The following ANTXR1 variants were observed in gnomAD, a reference collection of about 807,000 sequenced individuals.
ANTXR1 encodes ANTXR cell adhesion molecule 1.
In ANTXR1, 19 loss-of-function variants were observed where a neutral mutation model predicts 78.1. The observed-to-expected ratio is 0.24, with a 90% CI of 0.17 to 0.36. ANTXR1 has a LOEUF of 0.36. ANTXR1 is among the 10% of genes least tolerant of loss of function. ANTXR1 has a pLI of 1.00. For synonymous variants in ANTXR1, 273 were observed against 260.5 expected (o/e 1.05, Z -0.46); for missense variants, 518 against 718.6 (o/e 0.72, Z 3.19).
intron 5 of ANTXR1, among the ~76,000 whole-genome samples, chr2:69,072,233 A>T (rs1670588088): frequency 6.6e-6 from 1 of 152,242 alleles, no homozygotes; most frequent in African/African-American, 2.4e-5. Context: ...TTTAAATGAA[A>T]AAACTGCATA....
intron 12 of ANTXR1, among the ~76,000 whole-genome samples, chr2:69,139,412 A>G (rs1451248348): frequency 6.6e-6 from 1 of 152,224 alleles, no homozygotes; most frequent in African/African-American, 2.4e-5. Flanking sequence ...TGACTTTGTA[A>G]TTGGACTCTG....
rs547261002 is a variant in ANTXR1, at chr2:69,095,262, C to T, written c.703+4343C>T. Among the ~76,000 whole-genome samples the T allele has an allele frequency of 1.4e-4, 21 of 151,666 alleles. No homozygotes were observed. In the East Asian group the frequency reaches 3.9e-3, roughly 28 times the overall value. ...TGTTTTCCTTTCTTCCTCCTTTCATCGATTCTTAGTGTCTTTTATGCACCA... is the reference window on the plus strand; with the variant it reads ...TGTTTTCCTTTCTTCCTCCTTTCATTGATTCTTAGTGTCTTTTATGCACCA... On this transcript the variant is annotated intron_variant, in intron 9 of 17. Coordinates refer to ENST00000303714, the MANE Select transcript of ANTXR1 (RefSeq NM_032208.3).
chr2:69,058,252 A>G (rs1373658180), intron 3 of ANTXR1, among the ~76,000 whole-genome samples: 1 of 152,244 alleles, frequency 6.6e-6, no homozygotes, highest in African/African-American at 2.4e-5. Flanking sequence ...CTATTGGAAG[A>G]AGATGCCATC....
intron 12 of ANTXR1, chr2:69,134,955 AT>A: frequency 3.0e-6 from 1 of 330,760 alleles, no homozygotes; most frequent in South Asian, 2.4e-5. Flanking sequence ...ATGTCCCAGT[AT>A]TTTTATTATT....
intron 7 of ANTXR1, among the ~76,000 whole-genome samples, chr2:69,076,080 G>T (rs1670722541): frequency 6.6e-6 from 1 of 152,062 alleles, no homozygotes; most frequent in Non-Finnish European, 1.5e-5. Flanking sequence ...TGATTAGCTT[G>T]GTATACAGGT....
intron 17 of ANTXR1, among the ~76,000 whole-genome samples, chr2:69,198,484 A>G (rs72903106): frequency 0.058 from 8,847 of 152,190 alleles, 683 homozygotes; most frequent in African/African-American, 0.17. Flanking sequence ...TTGAAAGCCT[A>G]CTATGTATCA....
At chr2:69,193,470 C>CAT in intron 17 of ANTXR1, 55 bp downstream of exon 17, 2 of 1,215,390 alleles carry the variant, frequency 1.6e-6, no homozygotes, top group Non-Finnish European at 2.4e-6. Context: ...CACATACACA[C>CAT]ACACACACAC....
intron 14 of ANTXR1, among the ~76,000 whole-genome samples, chr2:69,173,329 C>T (rs1269176664): frequency 6.6e-6 from 1 of 152,188 alleles, no homozygotes; most frequent in Non-Finnish European, 1.5e-5. Context: ...TCACCATCTG[C>T]CCCCAGTGCT....
intron 17 of ANTXR1, among the ~76,000 whole-genome samples, chr2:69,195,190 A>AAAAATAAAAAG (rs201522003): frequency 2.1e-5 from 3 of 144,084 alleles, no homozygotes; most frequent in African/African-American, 8.0e-5. Flanking sequence ...AAAGAAAAAG[A>AAAAATAAAAAG]AAAAAAAAAA....
intron 17 of ANTXR1, among the ~76,000 whole-genome samples, chr2:69,214,097 C>G (rs2104501984): frequency 6.6e-6 from 1 of 152,358 alleles, no homozygotes; most frequent in Non-Finnish European, 1.5e-5. Context: ...AGGAGAAAAA[C>G]AGCTGAATGT....
chr2:69,086,442 G>A (rs536461548), intron 8 of ANTXR1, among the ~76,000 whole-genome samples: 8 of 152,206 alleles, frequency 5.3e-5, no homozygotes, highest in East Asian at 1.9e-4. Flanking sequence ...TCTCTTACTC[G>A]TCCTCCCACC....
At chr2:69,091,135 A>AAT (rs1160346090) in intron 9 of ANTXR1, among the ~76,000 whole-genome samples, 4 of 151,604 alleles carry the variant, frequency 2.6e-5, no homozygotes, top group Non-Finnish European at 4.4e-5. Flanking sequence ...AAAAAAAAAA[A>AAT]ATCTGTCCAA....
chr2:69,048,059 G>A lies in ANTXR1; in HGVS notation c.296+3246G>A, dbSNP rs895106133. On this transcript the variant is annotated intron_variant, in intron 3 of 17. Transcript: ENST00000303714. ...AATAGAGTATACAATGTCAATTTAA[G>A]TACTGTTAGAATAAAATGATGTTAA... 2.0e-5 allele frequency among the ~76,000 whole-genome samples: 3 copies of A among 152,212 alleles called. No individual in the cohort carries two copies. In the South Asian group the frequency reaches 6.2e-4, roughly 32 times the overall value.
chr2:69,121,082 C>G (rs1672331575), intron 10 of ANTXR1, among the ~76,000 whole-genome samples: 1 of 152,172 alleles, frequency 6.6e-6, no homozygotes, highest in Non-Finnish European at 1.5e-5. Flanking sequence ...ATAGCCTTTC[C>G]TTGGGGAAGC....
At chr2:69,239,042 A>C (rs1675838381) in intron 17 of ANTXR1, among the ~76,000 whole-genome samples, 1 of 152,176 alleles carries the variant, frequency 6.6e-6, no homozygotes, top group Non-Finnish European at 1.5e-5. Context: ...ACAAACCCAA[A>C]TTCAGAAGTT....
chr2:69,204,170 C>T (rs538098897), intron 17 of ANTXR1, among the ~76,000 whole-genome samples: 61 of 152,282 alleles, frequency 4.0e-4, no homozygotes, highest in Non-Finnish European at 7.5e-4. Flanking sequence ...TCAGCATCTC[C>T]GTGATGGGCC....
chr2:69,141,346 A>G (rs1367938455), intron 12 of ANTXR1, among the ~76,000 whole-genome samples: 1 of 152,244 alleles, frequency 6.6e-6, no homozygotes, highest in Non-Finnish European at 1.5e-5. Context: ...AGCAGGAATT[A>G]TCTCAATTTC....
chr2:69,097,441 T>C (rs778202135), intron 9 of ANTXR1, among the ~76,000 whole-genome samples: 1 of 152,232 alleles, frequency 6.6e-6, no homozygotes, highest in Non-Finnish European at 1.5e-5. Flanking sequence ...ATGTTTACCA[T>C]TTGGAAATTT....
chr2:69,026,535 A>G (rs1327064125), intron 1 of ANTXR1, among the ~76,000 whole-genome samples: 2 of 152,242 alleles, frequency 1.3e-5, no homozygotes, highest in East Asian at 3.9e-4. Context: ...TCATCTTTAT[A>G]TAGACTACAA....
Sources: allele counts gnomAD v4.1 joint callset (sites outside exome capture counted in the v4.1 genomes callset), GRCh38; gene constraint gnomAD v4.1.1; transcripts MANE v1.5; gene names NCBI Gene and HGNC (gene_info 2026-07-23, HGNC 2026-07-21).